Variants in CEP85L observed in about 807,000 individuals in gnomAD.
CEP85L encodes the protein centrosomal protein of 85 kDa-like.
A neutral mutation model predicts 100.3 loss-of-function variants in CEP85L; 60 were observed. The observed-to-expected ratio is 0.60, with a 90% confidence interval of 0.49 to 0.74. The LOEUF (loss-of-function observed/expected upper bound fraction) is 0.74, where lower values mean the gene tolerates loss of function less well. Among genes scored for constraint, CEP85L ranks in the 30% least tolerant of loss-of-function variants. The pLI, the probability that CEP85L is intolerant of heterozygous loss-of-function variation, is 0.00. For missense variants in CEP85L, 973 were observed against 936.2 expected (o/e 1.04, Z -0.51); for synonymous variants, 319 against 322.7 (o/e 0.99, Z 0.12).
At chr6:118,671,236 A>G (rs1243397094) in intron 1 of CEP85L, among the ~76,000 whole-genome samples, 2 of 152,188 alleles carry the variant, frequency 1.3e-5, no homozygotes, top group Non-Finnish European at 2.9e-5. Flanking sequence ...TACATAAGCA[A>G]GTGGATGTAA....
chr6:118,613,013 G>A (rs60606021), intron 2 of CEP85L, among the ~76,000 whole-genome samples: 4,090 of 152,106 alleles, frequency 0.027, 189 homozygotes, highest in African/African-American at 0.093. Flanking sequence ...GAAGTCAGGA[G>A]TTTGAGACCA....
At chr6:118,533,261 G>A (rs1004327613) in intron 3 of CEP85L, among the ~76,000 whole-genome samples, 2 of 151,822 alleles carry the variant, frequency 1.3e-5, no homozygotes, top group Admixed American at 6.6e-5. Flanking sequence ...AAAAAGAAGA[G>A]GCAAGTTATT....
At chr6:118,566,359 C>A in intron 2 of CEP85L, 43 bp from the exon 3 acceptor site, 2 of 1,485,292 alleles carry the variant, frequency 1.3e-6, no homozygotes, top group South Asian at 1.3e-5. Flanking sequence ...AATTAACAGA[C>A]AAAAGAGAAT....
chr6:118,548,830 T>C (rs571378468), intron 3 of CEP85L, among the ~76,000 whole-genome samples: 2 of 152,170 alleles, frequency 1.3e-5, no homozygotes, highest in African/African-American at 2.4e-5. Flanking sequence ...TGAACTAATA[T>C]GAATAGTCAT....
At chr6:118,551,500 T>C (rs1778543153) in intron 3 of CEP85L, among the ~76,000 whole-genome samples, 1 of 151,954 alleles carries the variant, frequency 6.6e-6, no homozygotes, top group Non-Finnish European at 1.5e-5. Context: ...ATTTTACTTG[T>C]AAATACACTT....
Position 118,542,010 on chromosome 6 carries a change from A to C in CEP85L, c.1021-18090T>G, listed in dbSNP as rs561560004. ...TTACATGAACTAATGTTTAGGAATAACAAGTTTACAGAACCAAGAGAAAAA... is the reference window on the plus strand; with the variant it reads ...TTACATGAACTAATGTTTAGGAATACCAAGTTTACAGAACCAAGAGAAAAA... On this transcript the variant is annotated intron_variant, in intron 3 of 12. Coordinates refer to ENST00000368491, the MANE Select transcript of CEP85L (RefSeq NM_001042475.3). Among the ~76,000 whole-genome samples the C allele has an allele frequency of 3.9e-5, 6 of 152,314 alleles. No homozygotes were observed. In the East Asian group the frequency reaches 1.2e-3, roughly 29 times the overall value.
intron 11 of CEP85L, among the ~76,000 whole-genome samples, chr6:118,470,261 C>A (rs1369361248): frequency 6.6e-6 from 1 of 151,730 alleles, no homozygotes; most frequent in Non-Finnish European, 1.5e-5. Context: ...AACTCAATAG[C>A]CTGGGGTGAT....
intron 1 of CEP85L, among the ~76,000 whole-genome samples, chr6:118,642,777 G>C (rs951652903): frequency 6.6e-6 from 1 of 151,964 alleles, no homozygotes; most frequent in Non-Finnish European, 1.5e-5. Context: ...TAATAAATTA[G>C]TCCAGCATGG....
intron 2 of CEP85L, among the ~76,000 whole-genome samples, chr6:118,605,023 A>G (rs527403557): frequency 5.9e-5 from 9 of 152,338 alleles, no homozygotes; most frequent in Admixed American, 6.5e-5. Context: ...ACATATTAAT[A>G]CATAGAAGAT....
At chr6:118,695,959 A>G (rs1172777002) in intron 1 of CEP85L, among the ~76,000 whole-genome samples, 1 of 152,174 alleles carries the variant, frequency 6.6e-6, no homozygotes, top group Non-Finnish European at 1.5e-5. Flanking sequence ...GGATGGTTGT[A>G]CTAGCAAGTG....
Position 118,470,523 on chromosome 6 carries a change from TTTCTTCTACTC to T in CEP85L, c.2022+3_2022+13del. ...ATCATCCTTTCAAAGCAAAATTGAA[TTTCTTCTACTC>T]ACTTCAAGCAATGCTTTTGTTAATC... On this transcript the variant is annotated splice_donor_5th_base_variant and intron_variant, in intron 11 of 12. Coordinates refer to ENST00000368491, the MANE Select transcript of CEP85L (RefSeq NM_001042475.3). 6.8e-7 allele frequency: 1 copy of T among 1,481,088 alleles called. No individual in the cohort carries two copies. The highest frequency in any genetic ancestry group is 9.2e-7 in the Non-Finnish European group (1 of 1,092,648). The allele number at this position is 1,481,088 out of a possible 1,614,324, so 91.7% of individuals were successfully genotyped here.
intron 1 of CEP85L, among the ~76,000 whole-genome samples, chr6:118,691,052 G>C: frequency 6.6e-6 from 1 of 151,868 alleles, no homozygotes; most frequent in Non-Finnish European, 1.5e-5. Context: ...AAAGAAAGAG[G>C]GAGAGACAGT....
At chr6:118,538,168 T>C (rs1777706614) in intron 3 of CEP85L, among the ~76,000 whole-genome samples, 1 of 152,044 alleles carries the variant, frequency 6.6e-6, no homozygotes, top group Non-Finnish European at 1.5e-5. Flanking sequence ...AAAAAAACCA[T>C]TCTATCAGTC....
chr6:118,511,966 A>G (rs887655487), intron 4 of CEP85L, among the ~76,000 whole-genome samples: 2 of 128,080 alleles, frequency 1.6e-5, no homozygotes, highest in Non-Finnish European at 3.3e-5. Flanking sequence ...TACAAGAAAG[A>G]AAAAAAAAAA....
chr6:118,488,016 ATTAG>A (rs557896818), intron 6 of CEP85L, among the ~76,000 whole-genome samples: 146 of 152,168 alleles, frequency 9.6e-4, no homozygotes, highest in African/African-American at 3.4e-3. Flanking sequence ...AAAAAAAAAA[ATTAG>A]TTAAACTAGT....
chr6:118,480,749 CCAGAGTT>C (rs1221116538), intron 8 of CEP85L, among the ~76,000 whole-genome samples: 1 of 152,076 alleles, frequency 6.6e-6, no homozygotes, highest in African/African-American at 2.4e-5. Flanking sequence ...AGACCAGAGT[CCAGAGTT>C]GCTCAGTATG....
At chr6:118,534,815 T>A (rs1257456824) in intron 3 of CEP85L, among the ~76,000 whole-genome samples, 1 of 151,640 alleles carries the variant, frequency 6.6e-6, no homozygotes, top group Non-Finnish European at 1.5e-5. Context: ...AGGCCAGGAG[T>A]TTGAGACCAG....
intron 3 of CEP85L, among the ~76,000 whole-genome samples, chr6:118,550,303 C>T (rs1171245171): frequency 6.6e-6 from 1 of 151,448 alleles, no homozygotes; most frequent in African/African-American, 2.4e-5. Context: ...TGCATAAATA[C>T]AATAGTTTCA....
chr6:118,611,789 A>C (rs9489465), intron 2 of CEP85L, among the ~76,000 whole-genome samples: 103,372 of 152,124 alleles, frequency 0.68, 35,850 homozygotes, highest in Middle Eastern at 0.74. Flanking sequence ...AAGGGCCGAC[A>C]GACCAAGAAG....
Sources: gnomAD v4.1 joint callset for allele counts (sites outside exome capture counted in the v4.1 genomes callset) on GRCh38, gnomAD v4.1.1 for gene constraint, MANE v1.5 for transcripts, NCBI Gene and HGNC (gene_info 2026-07-23, HGNC 2026-07-21) for gene names.